The following BAHCC1 variants were observed in gnomAD, a reference collection of about 807,000 sequenced individuals.
The protein encoded by BAHCC1 is BAH domain and coiled-coil containing 1, also known as BAH and coiled-coil domain-containing protein 1.
Under a neutral mutation model 88.2 loss-of-function variants are expected in BAHCC1, and 43 were observed. That is an observed-to-expected ratio of 0.49 (90% CI 0.38 to 0.63). The LOEUF (loss-of-function observed/expected upper bound fraction) is 0.63, where lower values mean the gene tolerates loss of function less well. Ranked by LOEUF, BAHCC1 falls within the 20% of genes least tolerant of loss-of-function variation. BAHCC1 has a pLI of 0.00. For missense variants in BAHCC1, 3,023 were observed against 1,654.8 expected (o/e 1.83, Z -14.34); for synonymous variants, 1,510 against 745.5 (o/e 2.03, Z -16.71).
Position 81,399,738 on chromosome 17 carries a change from G to A in BAHCC1, c.-2G>A, listed in dbSNP as rs1555645667. On this transcript the variant is annotated 5_prime_UTR_variant, in exon 2 of 28. Transcript: ENST00000675386. The surrounding 1 kb of genome is among the most constrained non-coding windows in gnomAD (Gnocchi z 4.5). ...GGCGGCGGACCGGGGCCGGGGCCCG[G>A]CATGGATGGCCGCGACTTTGCGCCG... 1 of 1,126,732 alleles carries A rather than the reference G, an allele frequency of 8.9e-7. No individual in the cohort carries two copies. The highest frequency in any genetic ancestry group is 1.1e-6 in the Non-Finnish European group (1 of 923,112). 69.8% of individuals were successfully genotyped at this position (1,126,732 alleles called of 1,614,324 possible).
At chr17:81,452,672 G>A (rs1380750442) in intron 13 of BAHCC1, 51 bp from the exon 14 acceptor site, 20 of 674,450 alleles carry the variant, frequency 3.0e-5, no homozygotes, top group Admixed American at 1.3e-4. Flanking sequence ...GAACCTTGTC[G>A]GGGAGCTGGG....
intron 3 of BAHCC1, among the ~76,000 whole-genome samples, chr17:81,432,323 G>A (rs1006922904): frequency 2.0e-5 from 3 of 152,028 alleles, no homozygotes; most frequent in Admixed American, 6.5e-5. Flanking sequence ...CTGTGGCCCC[G>A]GTACAATGAC....
chr17:81,455,460 C>T (rs556691331), intron 15 of BAHCC1, 70 bp downstream of exon 15: 36 of 689,202 alleles, frequency 5.2e-5, no homozygotes, highest in Admixed American at 3.1e-4. Flanking sequence ...TGGCAGGTAG[C>T]AGACTCTCCC....
chr17:81,418,794 T>TGTGCGC (rs3045979), intron 2 of BAHCC1, among the ~76,000 whole-genome samples: 1 of 18,630 alleles, frequency 5.4e-5, no homozygotes, highest in African/African-American at 1.5e-4. Flanking sequence ...TGTACGTGTG[T>TGTGCGC]GCGTGTGTGT....
In BAHCC1 at chr17:81,445,043, GCC is replaced by G; in HGVS notation, c.2705_2706del (p.Pro902HisfsTer177). On this transcript the variant is annotated frameshift_variant, in exon 9 of 28. Coordinates refer to ENST00000675386, the MANE Select transcript of BAHCC1 (RefSeq NM_001377448.1). LOFTEE classifies it high-confidence loss of function. ...ATGTCATGGACCAGGCGTCACTGTGGCCCCCCATGTACGGGGGCCGGGGCCCC... is the reference window on the plus strand; with the variant it reads ...ATGTCATGGACCAGGCGTCACTGTGGCCCCATGTACGGGGGCCGGGGCCCC... ...ADVMDQASLWPPMYGGRGPAS... is the reference protein window; with the variant it reads ...ADVMDQASLWXPMYGGRGPAS... 1 of 763,942 alleles carries G rather than the reference GCC, an allele frequency of 1.3e-6. No homozygotes were observed. 47.3% of individuals were successfully genotyped at this position (763,942 alleles called of 1,614,324 possible). A position where few individuals can be genotyped will look rare whatever the true frequency, so the allele number is the denominator to read the frequency against.
At position 81,461,474 on chromosome 17, in the gene BAHCC1, C is replaced by T; in HGVS notation, c.6811C>T (p.Leu2271=). The T allele has an allele frequency of 1.3e-6, 1 of 744,946 alleles. No individual in the cohort carries two copies. The highest frequency in any genetic ancestry group is 1.8e-5 in the Admixed American group (1 of 54,726). 46.1% of individuals were successfully genotyped at this position (744,946 alleles called of 1,614,324 possible). The part of the protein sequence containing the change: ...PIPPLPMGLA[L]RKYAGQAEFP... ...CCCCCCGCTGCCCATGGGGCTGGCG[C>T]TGCGCAAGTACGCGGGCCAGGCAGA... The change falls in exon 26 of 28, where the codon CTG becomes TTG. Residue 2271 remains leucine, a synonymous_variant. Transcript: ENST00000675386.
In BAHCC1 at chr17:81,443,808, G is replaced by T; in HGVS notation, c.2216-1G>T. ...CCGTCTGCTGTCTCGACCCTGTGCA[G>T]GTGGCGGTGGGCCCCGTTCCACACA... On this transcript the variant is annotated splice_acceptor_variant, in intron 5 of 27. Transcript: ENST00000675386. LOFTEE classifies it high-confidence loss of function. The T allele has an allele frequency of 2.8e-6, 2 of 710,682 alleles. No homozygotes were observed. The allele number at this position is 710,682 out of a possible 1,614,324, so 44.0% of individuals were successfully genotyped here. A position where few individuals can be genotyped will look rare whatever the true frequency, so the allele number is the denominator to read the frequency against.
chr17:81,396,784 C>G (rs1248225650), intron 1 of BAHCC1: 1 of 152,218 alleles, frequency 6.6e-6, no homozygotes. Context: ...CCTGCCTTCC[C>G]GGGAGGGAGC....
rs530693873 is a variant in BAHCC1 at position 81,414,804 on chromosome 17, C to T, written c.179-11996C>T. 2.8e-4 allele frequency among the ~76,000 whole-genome samples: 42 copies of T among 152,238 alleles called. No individual in the cohort carries two copies. The East Asian group carries it at 7.6e-3, about 27-fold the overall frequency. ...GACGGGGTGAGGCTGGGGGCGGAGG[C>T]GGCAGGCACCCCCTGGGCCCAGCCG... is the stretch of plus-strand genomic sequence containing the variant. On this transcript the variant is annotated intron_variant, in intron 2 of 27. Coordinates refer to ENST00000675386, the MANE Select transcript of BAHCC1 (RefSeq NM_001377448.1).
At position 81,452,755 on chromosome 17, in the gene BAHCC1, G is replaced by A. The variant is rs1403595323; in HGVS notation, c.4349G>A (p.Arg1450Gln). 9.3e-6 allele frequency: 7 copies of A among 748,876 alleles called. No homozygotes were observed. The highest frequency in any genetic ancestry group is 1.8e-5 in the African/African-American group (1 of 56,658). 46.4% of individuals were successfully genotyped at this position (748,876 alleles called of 1,614,324 possible). Residue 1450 changes from arginine (R) to glutamine (Q), a missense_variant, in exon 14 of 28, where the codon CGG (arginine) becomes CAG (glutamine). Arg to Gln is a conservative substitution (Grantham distance 43). Transcript: ENST00000675386. ...RDESSRSPAR[R>Q]GPGRPRKRKH... The stretch of plus-strand genomic sequence containing the variant: ...GAGAGTTCACGGAGCCCTGCACGGC[G>A]GGGGCCTGGCCGGCCGAGGAAGCGC...
At chr17:81,427,539 A>G (rs988733915) in intron 3 of BAHCC1, among the ~76,000 whole-genome samples, 94 of 152,260 alleles carry the variant, frequency 6.2e-4, no homozygotes, top group African/African-American at 2.2e-3. Context: ...CTGCCTGGCC[A>G]GCAGGAGACT....
chr17:81,401,214 T>A (rs1470277756), intron 2 of BAHCC1: 1 of 152,502 alleles, frequency 6.6e-6, no homozygotes, highest in Non-Finnish European at 1.5e-5. Flanking sequence ...AAACTTGAAA[T>A]TGCTTAATTG....
At chr17:81,455,515 TG>T (rs1422010921) in intron 15 of BAHCC1, 125 bp downstream of exon 15, 3 of 615,090 alleles carry the variant, frequency 4.9e-6, no homozygotes, top group Non-Finnish European at 5.9e-6. Context: ...GAAGCAAGGC[TG>T]GGGAGCTCCG....
At chr17:81,463,052 G>C in intron 27 of BAHCC1, 76 bp downstream of exon 27, 2 of 701,348 alleles carry the variant, frequency 2.9e-6, no homozygotes, top group Admixed American at 4.1e-5. Flanking sequence ...CCAGCACTGT[G>C]CCCCAACACG....
chr17:81,408,617 G>A (rs543133499), intron 2 of BAHCC1, among the ~76,000 whole-genome samples: 15 of 152,212 alleles, frequency 9.9e-5, no homozygotes, highest in East Asian at 5.8e-4. Flanking sequence ...AGGGGTCCCC[G>A]ACTGCTCCAT....
chr17:81,413,120 T>C, intron 2 of BAHCC1: 3 of 446,182 alleles, frequency 6.7e-6, no homozygotes, highest in South Asian at 1.6e-5. Context: ...GGGCCTTCTC[T>C]GAGGCCCCCC....
chr17:81,429,488 G>A (rs1320830188), intron 3 of BAHCC1, among the ~76,000 whole-genome samples: 1 of 152,236 alleles, frequency 6.6e-6, no homozygotes, highest in Admixed American at 6.5e-5. Flanking sequence ...GCGGGCCAGG[G>A]TGAGAGGCTG....
chr17:81,455,481 C>A (rs982911443), intron 15 of BAHCC1, 91 bp downstream of exon 15: 12 of 656,284 alleles, frequency 1.8e-5, no homozygotes, highest in South Asian at 1.8e-4. Flanking sequence ...CAGCCCTGTG[C>A]CGAAACCCAT....
At position 81,399,835 on chromosome 17, in the gene BAHCC1, G is replaced by A. The variant is rs2063791024; in HGVS notation, c.96G>A (p.Pro32=). Residue 32 remains proline (P), a synonymous_variant, in exon 2 of 28, where the codon CCG becomes CCA. Coordinates refer to ENST00000675386, the MANE Select transcript of BAHCC1 (RefSeq NM_001377448.1). The surrounding 1 kb of genome is among the most constrained non-coding windows in gnomAD (Gnocchi z 4.5). The stretch of plus-strand genomic sequence containing the variant: ...CCGCTGCCGCCGCGCGTCTCGCCCC[G>A]GCTGGGCCCGCCGCGCAGCCCCCCG... ...RSAAAAARLA[P]AGPAAQPPAH... 1 of 1,355,170 alleles carries A rather than the reference G, an allele frequency of 7.4e-7. No homozygotes were observed. Among genetic ancestry groups the A allele is most frequent in the African/African-American group, 1.5e-5 (1 of 65,248 alleles). 83.9% of individuals were successfully genotyped at this position (1,355,170 alleles called of 1,614,324 possible).
Sources: allele counts gnomAD v4.1 joint callset (sites outside exome capture counted in the v4.1 genomes callset), GRCh38; gene constraint gnomAD v4.1.1; non-coding constraint Gnocchi (gnomAD v3.1); transcripts MANE v1.5; gene names NCBI Gene and HGNC (gene_info 2026-07-23, HGNC 2026-07-21).